Variants in CRYBG1 observed in about 807,000 individuals in gnomAD.
CRYBG1 encodes the protein beta/gamma crystallin domain-containing protein 1.
A neutral mutation model predicts 189.2 loss-of-function variants in CRYBG1; 139 were observed. The observed-to-expected ratio is 0.73, with a 90% confidence interval of 0.64 to 0.85. The LOEUF (loss-of-function observed/expected upper bound fraction) is 0.85, where lower values mean the gene tolerates loss of function less well. Ranked by LOEUF, CRYBG1 falls within the 40% of genes least tolerant of loss-of-function variation. The pLI is 0.00. For synonymous variants in CRYBG1, 1,023 were observed against 1,017.1 expected (o/e 1.01, Z -0.11); for missense variants, 2,611 against 2,675.8 (o/e 0.98, Z 0.53).
Position 106,426,699 on chromosome 6 carries a change from C to T in CRYBG1, c.174-24995C>T, listed in dbSNP as rs143047138. Among the ~76,000 whole-genome samples, 82 of 152,296 alleles carry T rather than the reference C, an allele frequency of 5.4e-4. 1 individual carries two copies. In the East Asian group the frequency reaches 0.015, roughly 28 times the overall value. ...GCCCCTGGAGAAGCAGAGGAGAATG[C>T]CTGTTCCCTGCACGCAGCTGGCTCC... On this transcript the variant is annotated intron_variant, in intron 1 of 21. Transcript: ENST00000633556.
rs59943398 is a variant in CRYBG1, at chr6:106,447,547, A to AATATATATATATAT, written c.174-4134_174-4121dup. 1.9e-3 allele frequency among the ~76,000 whole-genome samples: 275 copies of AATATATATATATAT among 141,026 alleles called. 2 individuals carry two copies. The highest frequency in any genetic ancestry group is 0.013 in the East Asian group (59 of 4,614). 92.5% of individuals were successfully genotyped at this position (141,026 alleles called of 152,430 possible). On this transcript the variant is annotated intron_variant, in intron 1 of 21. Coordinates refer to ENST00000633556, the MANE Select transcript of CRYBG1 (RefSeq NM_001371242.2). ...ATGCTTGTACCTCATGTACCTCATA[A>AATATATATATATAT]ATATATATATATATATATATATATA...
chr6:106,418,318 C>G (rs571483418), intron 1 of CRYBG1, among the ~76,000 whole-genome samples: 124 of 152,306 alleles, frequency 8.1e-4, no homozygotes, highest in African/African-American at 2.9e-3. Flanking sequence ...TGGGAAAGGG[C>G]AGGCAAACAG....
At chr6:106,429,874 A>T (rs1771294497) in intron 1 of CRYBG1, among the ~76,000 whole-genome samples, 1 of 152,238 alleles carries the variant, frequency 6.6e-6, no homozygotes, top group Admixed American at 6.5e-5. Context: ...TGTAGTTATT[A>T]CTATTAAACT....
chr6:106,461,683 C>T (rs1772010185), intron 2 of CRYBG1, among the ~76,000 whole-genome samples: 1 of 152,142 alleles, frequency 6.6e-6, no homozygotes, highest in Admixed American at 6.5e-5. Context: ...GGACTATTGG[C>T]ACCATATTGG....
At chr6:106,370,989 C>G (rs1770013929) in intron 1 of CRYBG1, among the ~76,000 whole-genome samples, 2 of 152,094 alleles carry the variant, frequency 1.3e-5, no homozygotes, top group South Asian at 4.1e-4. Context: ...TAATTAGTAC[C>G]TCACCTACTA....
chr6:106,388,453 G>A (rs1291262953), intron 1 of CRYBG1, among the ~76,000 whole-genome samples: 2 of 152,152 alleles, frequency 1.3e-5, no homozygotes, highest in Non-Finnish European at 2.9e-5. Flanking sequence ...TTTGGCAAAT[G>A]TTTTGTTGAA....
At chr6:106,567,446 C>T (rs909152282) in intron 21 of CRYBG1, among the ~76,000 whole-genome samples, 3 of 152,138 alleles carry the variant, frequency 2.0e-5, no homozygotes, top group Non-Finnish European at 2.9e-5. Context: ...ACTATAATAC[C>T]TAGATTTATT....
chr6:106,473,659 T>C (rs909023695), intron 2 of CRYBG1, among the ~76,000 whole-genome samples: 8 of 152,214 alleles, frequency 5.3e-5, no homozygotes, highest in African/African-American at 1.9e-4. Flanking sequence ...ACCACTGACC[T>C]AGATGATCTG....
rs183676383 is a variant in CRYBG1, at chr6:106,504,128, G to T, written c.313-7302G>T. ...CAGAAAAAAGATTTTTTTAAAAAAA[G>T]AAAAATAGCATCAGAGATGAGGTGG... On this transcript the variant is annotated intron_variant, in intron 2 of 21. Coordinates refer to ENST00000633556, the MANE Select transcript of CRYBG1 (RefSeq NM_001371242.2). Among the ~76,000 whole-genome samples the T allele has an allele frequency of 0.011, 1,631 of 150,836 alleles. 115 individuals carry two copies. The East Asian group carries it at 0.2, about 19-fold the overall frequency.
Position 106,512,173 on chromosome 6 carries a change from G to GCA in CRYBG1, c.1060_1061dup (p.Ala355ArgfsTer23). 1 of 1,534,734 alleles carries GCA rather than the reference G, an allele frequency of 6.5e-7. No homozygotes were observed. Among genetic ancestry groups the GCA allele is most frequent in the South Asian group, 1.2e-5 (1 of 83,950 alleles). On this transcript the variant is annotated frameshift_variant, in exon 3 of 22. Coordinates refer to ENST00000633556, the MANE Select transcript of CRYBG1 (RefSeq NM_001371242.2). LOFTEE classifies it high-confidence loss of function. ...GTGAGCCTCCGGCCGAGGGCGCAGC[G>GCA]CACACGGCCAGCTCCGCGCAGGCAG...
In CRYBG1 at chr6:106,512,795, G is replaced by A. The variant is rs1201471970; in HGVS notation, c.1678G>A (p.Gly560Arg). Residue 560 changes from glycine (G) to arginine (R), a missense_variant, in exon 3 of 22, where the codon GGG (glycine) becomes AGG (arginine). Physicochemically the swap from Gly to Arg is moderately radical, Grantham distance 125. Around this residue, in one of 3 missense-constraint regions of CRYBG1, gnomAD observed 985 missense variants for 924.4 expected, o/e 1.07. Coordinates refer to ENST00000633556, the MANE Select transcript of CRYBG1 (RefSeq NM_001371242.2). Reference sequence around the variant, plus strand: ...CACCAAGGGCACTGCGGCCGAGAGCGGGGAGGAGGCGGCGCGGGCCATCCC... The same window carrying A: ...CACCAAGGGCACTGCGGCCGAGAGCAGGGAGGAGGCGGCGCGGGCCATCCC... ...PVTKGTAAES[G>R]EEAARAIPRE... 27 of 1,579,412 alleles carry A rather than the reference G, an allele frequency of 1.7e-5. No individual in the cohort carries two copies. Among genetic ancestry groups the A allele is most frequent in the Non-Finnish European group, 2.0e-5 (23 of 1,162,438 alleles).
intron 2 of CRYBG1, among the ~76,000 whole-genome samples, chr6:106,476,240 T>C (rs534587874): frequency 2.0e-5 from 3 of 152,290 alleles, no homozygotes; most frequent in African/African-American, 4.8e-5. Context: ...ATTTTTAATA[T>C]GAAGATGTCA....
Position 106,564,579 on chromosome 6 carries a change from T to A in CRYBG1, c.6301+653T>A, listed in dbSNP as rs1774821720. 2.7e-5 allele frequency among the ~76,000 whole-genome samples: 4 copies of A among 150,336 alleles called. No homozygotes were observed. In the Admixed American group the frequency reaches 2.7e-4, roughly 10 times the overall value. On this transcript the variant is annotated intron_variant, in intron 21 of 21. Transcript: ENST00000633556. The stretch of plus-strand genomic sequence containing the variant: ...GGTTAAAATAGACTGTGGGGCCACA[T>A]CCTCAGAGACTGAGTCTGTAGGTCT...
Position 106,405,785 on chromosome 6 carries a change from C to T in CRYBG1, c.173+44704C>T, listed in dbSNP as rs1463285091. On this transcript the variant is annotated intron_variant, in intron 1 of 21. Transcript: ENST00000633556. ...TCCAGCAAACGTGCAGCAGTAGGCC[C>T]TGACTGTTAGAAGGAAACTTAACAA... Among the ~76,000 whole-genome samples, 2 of 152,288 alleles carry T rather than the reference C, an allele frequency of 1.3e-5. 1 individual carries two copies. Among genetic ancestry groups the T allele is most frequent in the South Asian group, 4.1e-4 (2 of 4,822 alleles).
intron 10 of CRYBG1, among the ~76,000 whole-genome samples, chr6:106,542,478 C>T (rs1330076192): frequency 1.3e-5 from 2 of 151,544 alleles, no homozygotes; most frequent in Non-Finnish European, 2.9e-5. Context: ...TGAGGTTTCA[C>T]CATATTGCCC....
intron 8 of CRYBG1, among the ~76,000 whole-genome samples, chr6:106,532,317 C>T (rs1213421320): frequency 6.6e-6 from 1 of 152,202 alleles, no homozygotes; most frequent in Non-Finnish European, 1.5e-5. Flanking sequence ...TTGATGGACA[C>T]TCAGGCTGAT....
intron 17 of CRYBG1, among the ~76,000 whole-genome samples, chr6:106,557,579 T>G (rs1774581533): frequency 6.6e-6 from 1 of 151,186 alleles, no homozygotes; most frequent in Non-Finnish European, 1.5e-5. Flanking sequence ...CCCGGCTAAT[T>G]TTTTTGTGTT....
chr6:106,555,816 GGAA>G lies in CRYBG1; in HGVS notation c.5639_5641del (p.Glu1880del). ...ATTTCACTGGTAATCAATACGTGTT[GGAA>G]GAAGGCCATTATCCTTGTCTGTCTG... On this transcript the variant is annotated inframe_deletion, in exon 17 of 22. Coordinates refer to ENST00000633556, the MANE Select transcript of CRYBG1 (RefSeq NM_001371242.2). 2 of 1,614,186 alleles carry G rather than the reference GGAA, an allele frequency of 1.2e-6. No homozygotes were observed. The highest frequency in any genetic ancestry group is 1.7e-6 in the Non-Finnish European group (2 of 1,180,022).
chr6:106,491,590 G>A (rs1772723809), intron 2 of CRYBG1, among the ~76,000 whole-genome samples: 1 of 152,052 alleles, frequency 6.6e-6, no homozygotes, highest in Admixed American at 6.5e-5. Flanking sequence ...GCGTCATGGA[G>A]TTCCTTTGGA....
Sources: allele counts gnomAD v4.1 joint callset (sites outside exome capture counted in the v4.1 genomes callset), GRCh38; gene constraint gnomAD v4.1.1; regional missense constraint gnomAD v4.1.1; transcripts MANE v1.5; gene names NCBI Gene and HGNC (gene_info 2026-07-23, HGNC 2026-07-21).